KSR2: variants seen among roughly 807,000 people sequenced by gnomAD.
KSR2 encodes the protein kinase suppressor of ras 2.
In KSR2, 25 loss-of-function variants were observed where a neutral mutation model predicts 107.8. The ratio of observed to expected loss-of-function variants is 0.23; its 90% CI spans 0.17 to 0.32. KSR2 has a LOEUF of 0.32. Ranked by LOEUF, KSR2 falls within the 10% of genes least tolerant of loss-of-function variation. The probability of loss-of-function intolerance (pLI) is 1.00; values close to 1 mark genes in which losing one functional copy is unlikely to be tolerated. For missense variants in KSR2, 887 were observed against 1,268.9 expected (o/e 0.70, Z 4.57); for synonymous variants, 480 against 507.0 (o/e 0.95, Z 0.71).
chr12:117,662,905 C>T (rs1172296868), intron 5 of KSR2, among the ~76,000 whole-genome samples: 3 of 152,206 alleles, frequency 2.0e-5, no homozygotes, highest in Non-Finnish European at 2.9e-5. Context: ...ATGAATGAGT[C>T]GCAGGAGCTT....
intron 4 of KSR2, among the ~76,000 whole-genome samples, chr12:117,759,970 G>A (rs944205810): frequency 7.2e-5 from 11 of 152,132 alleles, no homozygotes; most frequent in East Asian, 1.9e-4. Flanking sequence ...TTAGCCAGGC[G>A]TGGTGGCACA....
chr12:117,695,285 G>A (rs1209816651), intron 4 of KSR2, among the ~76,000 whole-genome samples: 1 of 152,124 alleles, frequency 6.6e-6, no homozygotes, highest in Non-Finnish European at 1.5e-5. Flanking sequence ...AAGATGAAGA[G>A]GGTTCTGGGG....
chr12:117,811,412 A>T (rs1891185495), intron 3 of KSR2, among the ~76,000 whole-genome samples: 1 of 152,162 alleles, frequency 6.6e-6, no homozygotes, highest in Admixed American at 6.5e-5. Context: ...CATCGGCAAC[A>T]CCTGAGGACT....
At chr12:117,605,479 T>A (rs1881175200) in intron 5 of KSR2, among the ~76,000 whole-genome samples, 1 of 152,230 alleles carries the variant, frequency 6.6e-6, no homozygotes, top group Non-Finnish European at 1.5e-5. Context: ...TTGCTACACC[T>A]ATCAACCCAT....
chr12:117,959,297 A>G (rs1593406339), intron 1 of KSR2, among the ~76,000 whole-genome samples: 1 of 151,778 alleles, frequency 6.6e-6, no homozygotes, highest in East Asian at 1.9e-4. Context: ...AATCTATTCC[A>G]CCTCCAGTCT....
chr12:117,832,915 T>G (rs994297113), intron 3 of KSR2, among the ~76,000 whole-genome samples: 1 of 152,204 alleles, frequency 6.6e-6, no homozygotes, highest in Non-Finnish European at 1.5e-5. Flanking sequence ...CCACGGGCTT[T>G]CAGACAGACC....
intron 17 of KSR2, among the ~76,000 whole-genome samples, 175 bp from the exon 18 acceptor site, chr12:117,471,495 G>A (rs1871455805): frequency 6.6e-6 from 1 of 152,054 alleles, no homozygotes; most frequent in Admixed American, 6.5e-5. Context: ...CTTTCTTAAT[G>A]TCTTAGAAGT....
chr12:117,772,982 T>C (rs911318366), intron 3 of KSR2, among the ~76,000 whole-genome samples: 1 of 152,216 alleles, frequency 6.6e-6, no homozygotes, highest in African/African-American at 2.4e-5. Flanking sequence ...AACTAGAAGT[T>C]TGGGGCTAAA....
chr12:117,484,731 C>T (rs996505749), intron 15 of KSR2, among the ~76,000 whole-genome samples, 182 bp from the exon 16 acceptor site: 1 of 152,120 alleles, frequency 6.6e-6, no homozygotes, highest in East Asian at 1.9e-4. Context: ...GCATGGCAAG[C>T]GGGAACAGGC....
intron 9 of KSR2, among the ~76,000 whole-genome samples, chr12:117,545,577 T>A (rs1456850936): frequency 6.6e-6 from 1 of 152,222 alleles, no homozygotes; most frequent in Non-Finnish European, 1.5e-5. Context: ...AAAATGTATA[T>A]GTGTAGCATA....
chr12:117,504,296 C>T (rs1275263986), intron 14 of KSR2, among the ~76,000 whole-genome samples: 1 of 152,196 alleles, frequency 6.6e-6, no homozygotes, highest in African/African-American at 2.4e-5. Context: ...GCCACCAAGT[C>T]TCACCTTGGT....
At chr12:117,517,956 TG>T (rs1187431834) in intron 14 of KSR2, 1 of 440,060 alleles carries the variant, frequency 2.3e-6, no homozygotes, top group African/African-American at 2.0e-5. Context: ...TCCATGCATC[TG>T]TCAAATATAG....
Position 117,717,666 on chromosome 12 carries a change from G to GGTGTGT in KSR2, c.986+43339_986+43344dup, listed in dbSNP as rs55910019. On this transcript the variant is annotated intron_variant, in intron 4 of 19. Transcript: ENST00000339824. ...CCATGTGGCATGTGTGGGGCAGACA[G>GGTGTGT]GTGTGTGTGTGTGTGTGTGTGTGTG... 6.8e-3 allele frequency among the ~76,000 whole-genome samples: 986 copies of GGTGTGT among 144,438 alleles called. 8 individuals carry two copies. Among genetic ancestry groups the GGTGTGT allele is most frequent in the South Asian group, 0.018 (76 of 4,310 alleles). The allele number at this position is 144,438 out of a possible 152,430, so 94.8% of individuals were successfully genotyped here.
intron 1 of KSR2, among the ~76,000 whole-genome samples, chr12:117,901,350 C>T (rs1301844491): frequency 6.6e-6 from 1 of 151,230 alleles, no homozygotes; most frequent in Non-Finnish European, 1.5e-5. Flanking sequence ...TTACTCAGGC[C>T]GGAGTGCAGT....
At chr12:117,536,050 G>A (rs964584232) in intron 10 of KSR2, among the ~76,000 whole-genome samples, 2 of 151,892 alleles carry the variant, frequency 1.3e-5, no homozygotes, top group African/African-American at 4.8e-5. Flanking sequence ...TACCACCGAG[G>A]CTGCACACGC....
chr12:117,531,003 C>G lies in KSR2; in HGVS notation c.1740G>C (p.Pro580=), dbSNP rs768440495. 2.5e-6 allele frequency: 4 copies of G among 1,613,302 alleles called. No individual in the cohort carries two copies. The highest frequency in any genetic ancestry group is 2.5e-6 in the Non-Finnish European group (3 of 1,179,556). ...KQQFIFPDVV[P]VPETPTRAPQ... ...GCGCCCGGGTCGGCGTCTCCGGCAC[C>G]GGCACCACATCTGAAAACCAGAGAT... Residue 580 remains proline, a synonymous_variant, in exon 12 of 20, where the codon CCG becomes CCC. Coordinates refer to ENST00000339824, the MANE Select transcript of KSR2 (RefSeq NM_173598.6).
intron 1 of KSR2, among the ~76,000 whole-genome samples, chr12:117,956,666 C>T (rs1896528217): frequency 6.6e-6 from 1 of 151,868 alleles, no homozygotes; most frequent in Admixed American, 6.6e-5. Context: ...GCTGCTCACC[C>T]CTGTAATCCT....
chr12:117,598,142 T>C (rs532483925), intron 5 of KSR2, among the ~76,000 whole-genome samples: 2 of 152,242 alleles, frequency 1.3e-5, no homozygotes, highest in African/African-American at 4.8e-5. Flanking sequence ...CTCCCTCCCA[T>C]TCCCTCTGGG....
chr12:117,673,204 A>T (rs1009875812), intron 4 of KSR2, among the ~76,000 whole-genome samples: 1 of 152,154 alleles, frequency 6.6e-6, no homozygotes, highest in Non-Finnish European at 1.5e-5. Context: ...GGTTAGTTGG[A>T]CAGAAGGATA....
Sources: allele counts gnomAD v4.1 joint callset (sites outside exome capture counted in the v4.1 genomes callset), GRCh38; gene constraint gnomAD v4.1.1; transcripts MANE v1.5; gene names NCBI Gene and HGNC (gene_info 2026-07-23, HGNC 2026-07-21).